The following XK variants were observed in gnomAD, a reference collection of about 807,000 sequenced individuals.
The protein encoded by XK is X-linked Kx blood group antigen, Kell and VPS13A binding protein.
In XK, 2 loss-of-function variants were observed where a neutral mutation model predicts 14.0. The observed-to-expected ratio is 0.14, with a 90% CI of 0.06 to 0.45. The LOEUF is 0.45. XK is among the 20% of genes least tolerant of loss of function. The pLI is 0.98. For synonymous variants in XK, 149 were observed against 147.5 expected (o/e 1.01, Z -0.08); for missense variants, 235 against 341.5 (o/e 0.69, Z 2.46).
chrX:37,715,485 G>A (rs932678545), intron 2 of XK, among the ~76,000 whole-genome samples: 3 of 111,266 alleles, frequency 2.7e-5, no homozygotes, highest in Admixed American at 9.6e-5. Flanking sequence ...ATTCATTTTT[G>A]TGGCAGAAAA....
intron 2 of XK, among the ~76,000 whole-genome samples, chrX:37,696,410 C>G (rs902510873): frequency 8.9e-6 from 1 of 112,637 alleles, no homozygotes; most frequent in African/African-American, 3.2e-5. Flanking sequence ...CCCAAAAGAA[C>G]TTGGAAAAAC....
intron 2 of XK, among the ~76,000 whole-genome samples, chrX:37,705,514 A>C (rs1439797798): frequency 9.0e-6 from 1 of 110,558 alleles, no homozygotes; most frequent in Non-Finnish European, 1.9e-5. Flanking sequence ...AATCTACTGA[A>C]ATGATGACTG....
Position 37,727,896 on chromosome X carries a change from T to C in XK, c.769T>C (p.Trp257Arg), listed in dbSNP as rs1556450389. ...CTTCTTGTACCCCTGGATCCTCTTC[T>C]GGTGCAGTGGTTCCCCATTCCCTGA... The part of the protein sequence containing the change: ...SFFLYPWILF[W>R]CSGSPFPENI... The change falls in exon 3 of 3, where the codon TGG becomes CGG. Residue 257 changes from tryptophan (W) to arginine (R), a missense_variant. Transcript: ENST00000378616. The C allele has an allele frequency of 8.3e-7, 1 of 1,211,261 alleles. No homozygotes were observed. The highest frequency in any genetic ancestry group is 2.2e-5 in the Admixed American group (1 of 45,921).
intron 2 of XK, among the ~76,000 whole-genome samples, chrX:37,717,376 C>T (rs1270310115): frequency 4.5e-5 from 5 of 111,923 alleles, no homozygotes; most frequent in Non-Finnish European, 9.4e-5. Flanking sequence ...CTCTATGTCT[C>T]CACTTTCTCA....
chrX:37,730,443 G>A lies in XK; in HGVS notation c.*1981G>A, dbSNP rs1928064289. Reference sequence around the variant, plus strand: ...TTTTGTTTCTTCCTAATTAACAAAAGGGCTCTATAATGATTAGGAGAGCTG... The same window carrying A: ...TTTTGTTTCTTCCTAATTAACAAAAAGGCTCTATAATGATTAGGAGAGCTG... On this transcript the variant is annotated 3_prime_UTR_variant, in exon 3 of 3. Transcript: ENST00000378616. 1 of 112,293 alleles carries A rather than the reference G, an allele frequency of 8.9e-6. No individual in the cohort carries two copies. Among genetic ancestry groups the A allele is most frequent in the African/African-American group, 3.2e-5 (1 of 30,910 alleles). The allele number at this position is 112,293 out of a possible 1,213,427, so 9.3% of individuals were successfully genotyped here.
At chrX:37,706,603 CT>C (rs56688156) in intron 2 of XK, among the ~76,000 whole-genome samples, 1 of 105,728 alleles carries the variant, frequency 9.5e-6, no homozygotes, top group Non-Finnish European at 1.9e-5. Context: ...GACAAATGTT[CT>C]TTTTTTTTAA....
At chrX:37,692,450 T>C (rs1927220923) in intron 1 of XK, among the ~76,000 whole-genome samples, 1 of 111,970 alleles carries the variant, frequency 8.9e-6, no homozygotes, top group African/African-American at 3.2e-5. Context: ...AGAGTCTCGC[T>C]CTGTCACCCA....
chrX:37,705,383 T>C (rs782631917), intron 2 of XK, among the ~76,000 whole-genome samples: 288 of 103,156 alleles, frequency 2.8e-3, no homozygotes, highest in Non-Finnish European at 4.4e-3. Flanking sequence ...ACCCGGGAGG[T>C]GGAGCTTGCA....
At chrX:37,707,254 C>G (rs564628869) in intron 2 of XK, among the ~76,000 whole-genome samples, 2 of 105,822 alleles carry the variant, frequency 1.9e-5, no homozygotes, top group Non-Finnish European at 2.0e-5. Context: ...GCTGGCCGGG[C>G]GGGGGCTGAC....
chrX:37,707,824 A>T (rs1927574070), intron 2 of XK, among the ~76,000 whole-genome samples: 1 of 112,566 alleles, frequency 8.9e-6, no homozygotes, highest in Non-Finnish European at 1.9e-5. Context: ...CAGAGGCTGC[A>T]ATCTCGGCAC....
intron 2 of XK, among the ~76,000 whole-genome samples, chrX:37,716,802 G>T (rs989751464): frequency 9.0e-6 from 1 of 111,465 alleles, no homozygotes; most frequent in African/African-American, 3.3e-5. Context: ...GAGTTTTTTT[G>T]TTTGTTTGTT....
chrX:37,700,804 G>A (rs1171097986), intron 2 of XK, among the ~76,000 whole-genome samples: 1 of 111,071 alleles, frequency 9.0e-6, no homozygotes, highest in African/African-American at 3.3e-5. Context: ...AAGGTCTGAA[G>A]TCAGAGGGCA....
intron 2 of XK, among the ~76,000 whole-genome samples, chrX:37,724,429 A>G (rs181768773): frequency 1.8e-5 from 2 of 111,731 alleles, no homozygotes; most frequent in African/African-American, 6.5e-5. Context: ...AACAAAAACA[A>G]TACAATGGAG....
At chrX:37,726,297 A>C (rs782207790) in intron 2 of XK, among the ~76,000 whole-genome samples, 1 of 112,127 alleles carries the variant, frequency 8.9e-6, no homozygotes, top group African/African-American at 3.2e-5. Flanking sequence ...TAAAAAATAA[A>C]GTTTATTAAA....
Position 37,688,063 on chromosome X carries a change from T to C in XK, c.245+1857T>C, listed in dbSNP as rs373017703. On this transcript the variant is annotated intron_variant, in intron 1 of 2. Transcript: ENST00000378616. Reference sequence around the variant, plus strand: ...TCTTTCTTTCTTTCTTTCTTTCTTTTTTTTTTTTTTTTTTTGAGACGGAGT... The same window carrying C: ...TCTTTCTTTCTTTCTTTCTTTCTTTCTTTTTTTTTTTTTTTGAGACGGAGT... 9.6e-4 allele frequency among the ~76,000 whole-genome samples: 38 copies of C among 39,562 alleles called. 1 individual carries two copies. The highest frequency in any genetic ancestry group is 4.3e-3 in the Admixed American group (20 of 4,663). 34.4% of individuals were successfully genotyped at this position (39,562 alleles called of 115,157 possible). A position where few individuals can be genotyped will look rare whatever the true frequency, so the allele number is the denominator to read the frequency against.
intron 2 of XK, among the ~76,000 whole-genome samples, chrX:37,725,468 T>C (rs1927958042): frequency 9.0e-6 from 1 of 111,630 alleles, no homozygotes; most frequent in East Asian, 2.8e-4. Flanking sequence ...TGTGGAGCGA[T>C]AGGAACTCTC....
chrX:37,724,183 G>A (rs782074224), intron 2 of XK, among the ~76,000 whole-genome samples: 19 of 111,283 alleles, frequency 1.7e-4, no homozygotes, highest in Admixed American at 2.9e-4. Flanking sequence ...CCATTTATTC[G>A]TAAATAGGAA....
chrX:37,728,059 C>T lies in XK; in HGVS notation c.932C>T (p.Ser311Phe). The T allele has an allele frequency of 8.3e-7, 1 of 1,211,488 alleles. No individual in the cohort carries two copies. The highest frequency in any genetic ancestry group is 1.8e-5 in the South Asian group (1 of 56,997). ...KIDSPDLISK[S>F]HNWYQLLVYY... ...GACAGCCCTGACCTCATCAGCAAGT[C>T]CCATAATTGGTACCAGCTACTGGTG... Residue 311 changes from serine (S) to phenylalanine (F), a missense_variant, in exon 3 of 3, where the codon TCC (serine) becomes TTC (phenylalanine). Physicochemically the swap from Ser to Phe is radical, Grantham distance 155. Coordinates refer to ENST00000378616, the MANE Select transcript of XK (RefSeq NM_021083.4).
chrX:37,719,513 C>G (rs1469099327), intron 2 of XK, among the ~76,000 whole-genome samples: 3 of 110,473 alleles, frequency 2.7e-5, no homozygotes, highest in Non-Finnish European at 5.7e-5. Context: ...TTTTCTTTCT[C>G]CATTTGAGTG....
Sources: allele counts gnomAD v4.1 joint callset (sites outside exome capture counted in the v4.1 genomes callset), GRCh38; gene constraint gnomAD v4.1.1; transcripts MANE v1.5; gene names NCBI Gene and HGNC (gene_info 2026-07-23, HGNC 2026-07-21).